Variants in ADAMTSL4 observed in about 807,000 individuals in gnomAD.
ADAMTSL4 encodes ADAMTS-like protein 4.
In ADAMTSL4, 97 loss-of-function variants were observed where a neutral mutation model predicts 122.8. The ratio of observed to expected loss-of-function variants is 0.79; its 90% CI spans 0.67 to 0.93. ADAMTSL4 has a LOEUF of 0.93. Ranked by LOEUF, ADAMTSL4 falls within the 40% of genes least tolerant of loss-of-function variation. ADAMTSL4 has a pLI of 0.00. For missense variants in ADAMTSL4, 1,408 were observed against 1,453.5 expected (o/e 0.97, Z 0.51); for synonymous variants, 592 against 568.0 (o/e 1.04, Z -0.60).
rs1671739300 is a variant in ADAMTSL4, at chr1:150,554,063, A to G, written c.1072A>G (p.Ser358Gly). The G allele has an allele frequency of 5.0e-6, 8 of 1,605,970 alleles. No individual in the cohort carries two copies. The highest frequency in any genetic ancestry group is 5.9e-6 in the Non-Finnish European group (7 of 1,179,936). ...ASSLWSLFAPSSPIPRCSGES... is the reference protein window; with the variant it reads ...ASSLWSLFAPGSPIPRCSGES... Reference sequence around the variant, plus strand: ...CTCCCTCTGGAGCCTCTTTGCTCCCAGTAGCCCTATTCCAAGATGTTCTGG... The same window carrying G: ...CTCCCTCTGGAGCCTCTTTGCTCCCGGTAGCCCTATTCCAAGATGTTCTGG... The change falls in exon 6 of 19, where the codon AGT becomes GGT. Residue 358 changes from serine (S) to glycine (G), a missense_variant. Transcript: ENST00000271643. The surrounding 1 kb of genome is among the most constrained non-coding windows in gnomAD (Gnocchi z 4.0).
In ADAMTSL4 at chr1:150,560,361, G is replaced by A; in HGVS notation, c.*165G>A. On this transcript the variant is annotated 3_prime_UTR_variant, in exon 19 of 19. Transcript: ENST00000271643. ...CTGACACAAAGTGACTTTCAGGGCT[G>A]TGGTCAGGCCCATGTGGTGGTGTGA... The A allele has an allele frequency of 8.8e-7, 1 of 1,137,670 alleles. No homozygotes were observed. Among genetic ancestry groups the A allele is most frequent in the Non-Finnish European group, 1.2e-6 (1 of 806,978 alleles). The allele number at this position is 1,137,670 out of a possible 1,614,324, so 70.5% of individuals were successfully genotyped here. A position where few individuals can be genotyped will look rare whatever the true frequency, so the allele number is the denominator to read the frequency against.
chr1:150,556,388 C>G lies in ADAMTSL4; in HGVS notation c.1576+22C>G. ...CTGGGTGAGCACCCAGCTGCCTCCC[C>G]TTCCACTTCCGTCTCTGTTCGGCCC... is the stretch of plus-strand genomic sequence containing the variant. On this transcript the variant is annotated intron_variant, in intron 9 of 18. Coordinates refer to ENST00000271643, the MANE Select transcript of ADAMTSL4 (RefSeq NM_019032.6). The surrounding 1 kb of genome is among the most constrained non-coding windows in gnomAD (Gnocchi z 4.1). 1 of 1,613,500 alleles carries G rather than the reference C, an allele frequency of 6.2e-7. No individual in the cohort carries two copies. The highest frequency in any genetic ancestry group is 1.3e-5 in the African/African-American group (1 of 75,044).
In ADAMTSL4 at chr1:150,556,938, G is replaced by T. The variant is rs1672195998; in HGVS notation, c.1750-1G>T. The stretch of plus-strand genomic sequence containing the variant: ...TATTCATTATCTTCTCTTCTCCCCA[G>T]ATGATCTTTCAGGAGGAAAACCCAG... On this transcript the variant is annotated splice_acceptor_variant, in intron 10 of 18. Transcript: ENST00000271643. LOFTEE classifies it high-confidence loss of function. The surrounding 1 kb of genome is among the most constrained non-coding windows in gnomAD (Gnocchi z 4.1). 1 of 1,613,652 alleles carries T rather than the reference G, an allele frequency of 6.2e-7. No individual in the cohort carries two copies. Among genetic ancestry groups the T allele is most frequent in the Admixed American group, 1.7e-5 (1 of 60,002 alleles).
chr1:150,554,633 T>C lies in ADAMTSL4; in HGVS notation c.1234+166T>C, dbSNP rs12095798. 13,067 of 1,542,168 alleles carry C rather than the reference T, an allele frequency of 8.5e-3. 819 individuals are homozygous for C. The African/African-American group carries it at 0.14, about 17-fold the overall frequency. ...GGGCTGGGTCAGGAGACAGCACAGG[T>C]GGTGAGTGGTCTGCAGAAGGGTCGG... On this transcript the variant is annotated intron_variant, in intron 7 of 18. Transcript: ENST00000271643. This position sits in a 1 kb window ranked among gnomAD's most constrained non-coding sequence, Gnocchi z 4.0.
rs1367715407 is a variant in ADAMTSL4 at position 150,556,218 on chromosome 1, C to T, written c.1428C>T (p.Val476=). 5 of 1,614,044 alleles carry T rather than the reference C, an allele frequency of 3.1e-6. No homozygotes were observed. The African/African-American group carries it at 5.3e-5, about 17-fold the overall frequency. ...GSGRRPDGCG[V]CGGDDSTCRL... ...GCAGGCGTCCTGATGGCTGTGGAGT[C>T]TGTGGGGGTGATGATTCTACCTGTC... The change falls in exon 9 of 19, where the codon GTC becomes GTT. Residue 476 remains valine, a synonymous_variant. Coordinates refer to ENST00000271643, the MANE Select transcript of ADAMTSL4 (RefSeq NM_019032.6). This position sits in a 1 kb window ranked among gnomAD's most constrained non-coding sequence, Gnocchi z 4.1.
intron 8 of ADAMTSL4, chr1:150,555,889 G>A (rs1200211364): frequency 2.8e-5 from 17 of 602,446 alleles, no homozygotes; most frequent in South Asian, 2.3e-4. Flanking sequence ...GCACACACAC[G>A]TATTTGCACA....
chr1:150,556,562 T>C lies in ADAMTSL4; in HGVS notation c.1577-59T>C. 1 of 1,608,600 alleles carries C rather than the reference T, an allele frequency of 6.2e-7. No individual in the cohort carries two copies. The highest frequency in any genetic ancestry group is 8.5e-7 in the Non-Finnish European group (1 of 1,175,930). ...GCTTCTATAGGCTAAGGACACGGTG[T>C]GGGAGGAGGAAGGTATTATCACCCT... On this transcript the variant is annotated intron_variant, in intron 9 of 18. Transcript: ENST00000271643. The surrounding 1 kb of genome is among the most constrained non-coding windows in gnomAD (Gnocchi z 4.1).
Position 150,554,064 on chromosome 1 carries a change from G to T in ADAMTSL4, c.1073G>T (p.Ser358Ile). The change falls in exon 6 of 19, where the codon AGT (serine) becomes ATT (isoleucine). Residue 358 changes from serine to isoleucine, a missense_variant. Ser to Ile is a moderately radical substitution (Grantham distance 142). Transcript: ENST00000271643. The surrounding 1 kb of genome is among the most constrained non-coding windows in gnomAD (Gnocchi z 4.0). ...ASSLWSLFAP[S>I]SPIPRCSGES... ...TCCCTCTGGAGCCTCTTTGCTCCCA[G>T]TAGCCCTATTCCAAGATGTTCTGGG... 2 of 1,605,738 alleles carry T rather than the reference G, an allele frequency of 1.2e-6. No homozygotes were observed. Among genetic ancestry groups the T allele is most frequent in the Non-Finnish European group, 1.7e-6 (2 of 1,179,936 alleles).
chr1:150,552,270 G>C lies in ADAMTSL4; in HGVS notation c.-19G>C, dbSNP rs374642601. 6.4e-7 allele frequency: 1 copy of C among 1,552,002 alleles called. No individual in the cohort carries two copies. Among genetic ancestry groups the C allele is most frequent in the African/African-American group, 1.4e-5 (1 of 73,162 alleles). On this transcript the variant is annotated 5_prime_UTR_variant, in exon 3 of 19. Coordinates refer to ENST00000271643, the MANE Select transcript of ADAMTSL4 (RefSeq NM_019032.6). The surrounding 1 kb of genome is among the most constrained non-coding windows in gnomAD (Gnocchi z 4.0). ...ACCAGTCCGCTCCTGCCTCCCCCTGGGGCAGTAGAGGGGGAGCGATGGAGA... is the reference window on the plus strand; with the variant it reads ...ACCAGTCCGCTCCTGCCTCCCCCTGCGGCAGTAGAGGGGGAGCGATGGAGA...
At chr1:150,551,089 G>C (rs1265033009) in intron 2 of ADAMTSL4, 2 of 434,550 alleles carry the variant, frequency 4.6e-6, no homozygotes, top group Non-Finnish European at 9.3e-6. Flanking sequence ...AGTCAGGCTT[G>C]GTGGCTGGGG....
In ADAMTSL4 at chr1:150,552,191, T is replaced by A; in HGVS notation, c.-84-14T>A. ...GACACTGGAGAGGTAACCACCAGGC[T>A]TCTGTCCCTGCAGAGAGCACCCTCC... On this transcript the variant is annotated splice_polypyrimidine_tract_variant and intron_variant, in intron 2 of 18. Coordinates refer to ENST00000271643, the MANE Select transcript of ADAMTSL4 (RefSeq NM_019032.6). This position sits in a 1 kb window ranked among gnomAD's most constrained non-coding sequence, Gnocchi z 4.0. The A allele has an allele frequency of 7.6e-7, 1 of 1,321,306 alleles. No homozygotes were observed. Among genetic ancestry groups the A allele is most frequent in the Non-Finnish European group, 1.1e-6 (1 of 950,634 alleles). The allele number at this position is 1,321,306 out of a possible 1,614,324, so 81.8% of individuals were successfully genotyped here.
At position 150,556,009 on chromosome 1, in the gene ADAMTSL4, C is replaced by G. The variant is rs587771872; in HGVS notation, c.1372-153C>G. The stretch of plus-strand genomic sequence containing the variant: ...GATCTGATCGGGCACCTGTCCATGT[C>G]CCTGGGTCTGGCTGGGGATGGTGGG... On this transcript the variant is annotated intron_variant, in intron 8 of 18. Transcript: ENST00000271643. The surrounding 1 kb of genome is among the most constrained non-coding windows in gnomAD (Gnocchi z 4.1). 1 of 769,442 alleles carries G rather than the reference C, an allele frequency of 1.3e-6. No homozygotes were observed. Among genetic ancestry groups the G allele is most frequent in the African/African-American group, 1.7e-5 (1 of 58,636 alleles). 47.7% of individuals were successfully genotyped at this position (769,442 alleles called of 1,614,324 possible).
chr1:150,555,850 G>GAC, intron 8 of ADAMTSL4: 1 of 605,816 alleles, frequency 1.7e-6, no homozygotes, highest in South Asian at 1.9e-5. Flanking sequence ...CACACATGTA[G>GAC]ACACACATGC....
At position 150,557,836 on chromosome 1, in the gene ADAMTSL4, T is replaced by C. The variant is rs377065807; in HGVS notation, c.2178-109T>C. The C allele has an allele frequency of 4.8e-6, 7 of 1,445,184 alleles. No homozygotes were observed. In the East Asian group the frequency reaches 1.7e-4, roughly 36 times the overall value. The allele number at this position is 1,445,184 out of a possible 1,614,324, so 89.5% of individuals were successfully genotyped here. ...GACTCCAAACGCCAAACGTGCCCAC[T>C]CTCCTCTGAGGCCCCCACGTCCAGT... On this transcript the variant is annotated intron_variant, in intron 13 of 18. Coordinates refer to ENST00000271643, the MANE Select transcript of ADAMTSL4 (RefSeq NM_019032.6).
chr1:150,556,697 CG>C lies in ADAMTSL4; in HGVS notation c.1656del (p.Thr553ProfsTer32). ...ATCCCCCTGGGTCCTACAGGGCCGG[CG>C]GGACCGTCTTTCGATATAACCGTCC... ...VDPPGSYRAGGTVFRYNRPPR... is the reference protein window; with the variant it reads ...VDPPGSYRAGXTVFRYNRPPR... On this transcript the variant is annotated frameshift_variant, in exon 10 of 19. Coordinates refer to ENST00000271643, the MANE Select transcript of ADAMTSL4 (RefSeq NM_019032.6). LOFTEE classifies it high-confidence loss of function. This position sits in a 1 kb window ranked among gnomAD's most constrained non-coding sequence, Gnocchi z 4.1. 1 of 1,613,964 alleles carries C rather than the reference CG, an allele frequency of 6.2e-7. No individual in the cohort carries two copies. Among genetic ancestry groups the C allele is most frequent in the Non-Finnish European group, 8.5e-7 (1 of 1,179,986 alleles).
At chr1:150,557,088 G>C in intron 11 of ADAMTSL4, 38 bp downstream of exon 11, 1 of 1,612,754 alleles carries the variant, frequency 6.2e-7, no homozygotes, top group Non-Finnish European at 8.5e-7. Context: ...GGAGGAGGGA[G>C]AGGCTGCAGG....
chr1:150,550,445 A>C (rs1216547341), intron 2 of ADAMTSL4, among the ~76,000 whole-genome samples: 5 of 152,056 alleles, frequency 3.3e-5, no homozygotes, highest in Non-Finnish European at 1.5e-5. Context: ...GAACTGCCAA[A>C]GCCAAACCCA....
In ADAMTSL4 at chr1:150,558,546, G is replaced by A. The variant is rs948965155; in HGVS notation, c.2456G>A (p.Ser819Asn). 1 of 1,613,892 alleles carries A rather than the reference G, an allele frequency of 6.2e-7. No individual in the cohort carries two copies. Among genetic ancestry groups the A allele is most frequent in the Non-Finnish European group, 8.5e-7 (1 of 1,179,984 alleles). Residue 819 changes from serine to asparagine, a missense_variant, in exon 15 of 19, where the codon AGC becomes AAC. Physicochemically the swap from Ser to Asn is conservative, Grantham distance 46. Transcript: ENST00000271643. ...RCVGNNGDEV[S>N]EQECASGPPQ... is the part of the protein sequence containing the mutation. ...GTTGGGAACAATGGTGATGAAGTGA[G>A]CGAGCAGGAGTGTGCGTCAGGCCCC... is the stretch of plus-strand genomic sequence containing the variant.
At chr1:150,558,332 T>C in intron 14 of ADAMTSL4, 141 bp from the exon 15 acceptor site, 2 of 1,524,126 alleles carry the variant, frequency 1.3e-6, no homozygotes, top group Non-Finnish European at 8.8e-7. Context: ...GCCCTAGGGC[T>C]CAGCCTCCTC....
Sources: gnomAD v4.1 joint callset for allele counts (sites outside exome capture counted in the v4.1 genomes callset) on GRCh38, gnomAD v4.1.1 for gene constraint, Gnocchi (gnomAD v3.1) non-coding constraint, MANE v1.5 for transcripts, NCBI Gene and HGNC (gene_info 2026-07-23, HGNC 2026-07-21) for gene names.